ATXN10: variants seen among roughly 807,000 people sequenced by gnomAD.
The protein encoded by ATXN10 is ataxin 10.
A neutral mutation model predicts 52.9 loss-of-function variants in ATXN10; 28 were observed. That is an observed-to-expected ratio of 0.53 (90% CI 0.39 to 0.73). The LOEUF (loss-of-function observed/expected upper bound fraction) is 0.73. Ranked by LOEUF, ATXN10 falls within the 30% of genes least tolerant of loss-of-function variation. The pLI, the probability that ATXN10 is intolerant of heterozygous loss-of-function variation, is 0.00. For synonymous variants in ATXN10, 226 were observed against 221.5 expected, an observed-to-expected ratio of 1.02 and a Z score of -0.18; for missense variants, 565 against 577.0, an observed-to-expected ratio of 0.98 and a Z score of 0.21.
rs1468756578 is a variant in ATXN10, at chr22:45,824,340, A to G, written c.1237+17318A>G. Among the ~76,000 whole-genome samples the G allele has an allele frequency of 3.9e-5, 6 of 152,180 alleles. No homozygotes were observed. Among genetic ancestry groups the G allele is most frequent in the Admixed American group, 1.3e-4 (2 of 15,286 alleles). ...ATAAGTCTTTCATGATCCCAACTCA[A>G]ATTTAAGGCCCCCTTTTTATTGTTT... On this transcript the variant is annotated intron_variant, in intron 10 of 11. Coordinates refer to ENST00000252934, the MANE Select transcript of ATXN10 (RefSeq NM_013236.4). This position sits in a 1 kb window ranked among gnomAD's most constrained non-coding sequence, Gnocchi z 5.2.
chr22:45,801,720 G>A (rs1167888034), intron 9 of ATXN10, among the ~76,000 whole-genome samples: 2 of 152,148 alleles, frequency 1.3e-5, no homozygotes, highest in Non-Finnish European at 2.9e-5. Context: ...CTTTGCTGAA[G>A]GACAGCTAGT....
chr22:45,711,010 A>G (rs1924226698), intron 5 of ATXN10, among the ~76,000 whole-genome samples: 1 of 152,194 alleles, frequency 6.6e-6, no homozygotes, highest in Admixed American at 6.5e-5. Context: ...AACTCTATAC[A>G]GGCTTCTTCA....
chr22:45,811,427 C>T (rs1928276003), intron 10 of ATXN10, among the ~76,000 whole-genome samples: 1 of 152,080 alleles, frequency 6.6e-6, no homozygotes, highest in Non-Finnish European at 1.5e-5. Flanking sequence ...ATGTTTTGGT[C>T]AACACAGACC....
intron 9 of ATXN10, among the ~76,000 whole-genome samples, chr22:45,802,715 C>G (rs1927968686): frequency 6.6e-6 from 1 of 152,188 alleles, no homozygotes; most frequent in Non-Finnish European, 1.5e-5. Context: ...TTTAAGAACT[C>G]TTTAGTTCAC....
intron 5 of ATXN10, among the ~76,000 whole-genome samples, chr22:45,707,635 A>G (rs1924092399): frequency 6.7e-6 from 1 of 148,780 alleles, no homozygotes; most frequent in Non-Finnish European, 1.5e-5. Context: ...AAATCTGTTT[A>G]ATATAATATA....
intron 9 of ATXN10, among the ~76,000 whole-genome samples, chr22:45,803,589 C>A (rs1454641799): frequency 2.6e-5 from 4 of 152,162 alleles, no homozygotes; most frequent in Non-Finnish European, 4.4e-5. Context: ...GAGCTGGATT[C>A]TTTCCTCTCA....
intron 10 of ATXN10, among the ~76,000 whole-genome samples, chr22:45,807,344 T>A (rs1928134474): frequency 6.6e-6 from 1 of 152,202 alleles, no homozygotes; most frequent in African/African-American, 2.4e-5. Context: ...TTCCAGTGTG[T>A]GTGTGGTCTC....
In ATXN10 at chr22:45,833,883, G is replaced by A. The variant is rs1569082848; in HGVS notation, c.1238-9108G>A. On this transcript the variant is annotated intron_variant, in intron 10 of 11. Coordinates refer to ENST00000252934, the MANE Select transcript of ATXN10 (RefSeq NM_013236.4). This position sits in a 1 kb window ranked among gnomAD's most constrained non-coding sequence, Gnocchi z 4.3. ...GATACGGCATCGCGATCAGGGGAGC[G>A]GATGCCAGAGCCTGACTGCCTACTT... Among the ~76,000 whole-genome samples, 1 of 152,116 alleles carries A rather than the reference G, an allele frequency of 6.6e-6. No homozygotes were observed. Among genetic ancestry groups the A allele is most frequent in the Non-Finnish European group, 1.5e-5 (1 of 68,024 alleles).
Position 45,805,622 on chromosome 22 carries a change from C to T in ATXN10, c.1174-1337C>T, listed in dbSNP as rs376010592. On this transcript the variant is annotated intron_variant, in intron 9 of 11. Transcript: ENST00000252934. This position sits in a 1 kb window ranked among gnomAD's most constrained non-coding sequence, Gnocchi z 4.4. ...ACATGTCGTTCAGATTTTCTGACTC[C>T]GTTATAGGAAATGTCCAGAATAGGC... is the stretch of plus-strand genomic sequence containing the variant. Among the ~76,000 whole-genome samples the T allele has an allele frequency of 2.0e-5, 3 of 152,044 alleles. No homozygotes were observed. The highest frequency in any genetic ancestry group is 4.4e-5 in the Non-Finnish European group (3 of 68,020).
chr22:45,800,101 C>T (rs559864900), intron 9 of ATXN10, among the ~76,000 whole-genome samples: 5 of 151,918 alleles, frequency 3.3e-5, no homozygotes, highest in African/African-American at 9.7e-5. Flanking sequence ...TAAAAAATAC[C>T]ATGAAAAAAT....
rs1928579784 is a variant in ATXN10, at chr22:45,819,499, C to T, written c.1237+12477C>T. Among the ~76,000 whole-genome samples the T allele has an allele frequency of 6.6e-6, 1 of 152,148 alleles. No individual in the cohort carries two copies. The highest frequency in any genetic ancestry group is 2.4e-5 in the African/African-American group (1 of 41,428). ...GCTGCATAATGATGTCTCACTCTGT[C>T]CCCAGGTGGCTTTACCAAGCCACAT... On this transcript the variant is annotated intron_variant, in intron 10 of 11. Transcript: ENST00000252934. The surrounding 1 kb of genome is among the most constrained non-coding windows in gnomAD (Gnocchi z 4.5).
At chr22:45,756,957 G>GT (rs1163540217) in intron 9 of ATXN10, among the ~76,000 whole-genome samples, 2 of 152,152 alleles carry the variant, frequency 1.3e-5, no homozygotes, top group African/African-American at 4.8e-5. Context: ...ATTTCTCATC[G>GT]TGTGAATCCC....
intron 10 of ATXN10, among the ~76,000 whole-genome samples, chr22:45,808,853 CTT>C (rs771136126): frequency 9.2e-5 from 14 of 152,170 alleles, no homozygotes; most frequent in Non-Finnish European, 1.5e-4. Flanking sequence ...ATAGCTATAT[CTT>C]TAGCTGGATA....
At position 45,738,807 on chromosome 22, in the gene ATXN10, A is replaced by G. The variant is rs1260714457; in HGVS notation, c.971A>G (p.Gln324Arg). ...AATACTGAGCTGCTCGGCTATCTGC[A>G]GGTTTTCCCTGGCTTGCTGGAAAGA... is the stretch of plus-strand genomic sequence containing the variant. ...TVNTELLGYLQVFPGLLERVI... is the reference protein window; with the variant it reads ...TVNTELLGYLRVFPGLLERVI... The change falls in exon 8 of 12, where the codon CAG becomes CGG. Residue 324 changes from glutamine to arginine, a missense_variant. Coordinates refer to ENST00000252934, the MANE Select transcript of ATXN10 (RefSeq NM_013236.4). The G allele has an allele frequency of 6.2e-7, 1 of 1,614,190 alleles. No individual in the cohort carries two copies. The highest frequency in any genetic ancestry group is 1.1e-5 in the South Asian group (1 of 91,084).
intron 9 of ATXN10, among the ~76,000 whole-genome samples, chr22:45,779,241 C>G (rs963444200): frequency 8.5e-5 from 13 of 152,182 alleles, no homozygotes; most frequent in Non-Finnish European, 1.9e-4. Context: ...CAGGACCCTA[C>G]TCATCTCGAG....
chr22:45,693,203 TAGTG>T, intron 3 of ATXN10, 125 bp downstream of exon 3: 3 of 795,826 alleles, frequency 3.8e-6, no homozygotes, highest in Non-Finnish European at 6.3e-6. Flanking sequence ...GAAACTTTAA[TAGTG>T]AATTATTAAA....
chr22:45,805,495 T>C lies in ATXN10; in HGVS notation c.1174-1464T>C, dbSNP rs1278316843. Among the ~76,000 whole-genome samples the C allele has an allele frequency of 6.6e-6, 1 of 152,184 alleles. No homozygotes were observed. The highest frequency in any genetic ancestry group is 1.5e-5 in the Non-Finnish European group (1 of 68,022). ...GGAAAAATGCAATGTGGCATATCCGTACAATGCACTGTTCACGTTACTCAG... is the reference window on the plus strand; with the variant it reads ...GGAAAAATGCAATGTGGCATATCCGCACAATGCACTGTTCACGTTACTCAG... On this transcript the variant is annotated intron_variant, in intron 9 of 11. Transcript: ENST00000252934. The surrounding 1 kb of genome is among the most constrained non-coding windows in gnomAD (Gnocchi z 4.4).
At chr22:45,822,119 C>T (rs1338149515) in intron 10 of ATXN10, among the ~76,000 whole-genome samples, 1 of 152,208 alleles carries the variant, frequency 6.6e-6, no homozygotes, top group African/African-American at 2.4e-5. Context: ...CATTCAAAAT[C>T]ATGACTCTGA....
In ATXN10 at chr22:45,775,384, G is replaced by A. The variant is rs1225184933; in HGVS notation, c.1174-31575G>A. Among the ~76,000 whole-genome samples the A allele has an allele frequency of 6.6e-6, 1 of 152,190 alleles. No individual in the cohort carries two copies. The highest frequency in any genetic ancestry group is 1.9e-4 in the East Asian group (1 of 5,190). On this transcript the variant is annotated intron_variant, in intron 9 of 11. Coordinates refer to ENST00000252934, the MANE Select transcript of ATXN10 (RefSeq NM_013236.4). This position sits in a 1 kb window ranked among gnomAD's most constrained non-coding sequence, Gnocchi z 4.7. ...ATTTTGTAAGAAATTGAGACAAGTT[G>A]GAAAACACAAACATTGTGAGGGTTT...
Sources: allele counts gnomAD v4.1 joint callset (sites outside exome capture counted in the v4.1 genomes callset), GRCh38; gene constraint gnomAD v4.1.1; non-coding constraint Gnocchi (gnomAD v3.1); transcripts MANE v1.5; gene names NCBI Gene and HGNC (gene_info 2026-07-23, HGNC 2026-07-21).